The following GRIK4 variants were observed in gnomAD, a reference collection of about 807,000 sequenced individuals.
GRIK4 encodes the protein glutamate receptor ionotropic, kainate 4.
A neutral mutation model predicts 104.9 loss-of-function variants in GRIK4; 40 were observed. The observed-to-expected ratio is 0.38, with a 90% CI of 0.30 to 0.50. The LOEUF (loss-of-function observed/expected upper bound fraction) is 0.50. Ranked by LOEUF, GRIK4 falls within the 20% of genes least tolerant of loss-of-function variation. GRIK4 has a pLI of 0.93. For missense variants in GRIK4, 1,047 were observed against 1,308.1 expected, an observed-to-expected ratio of 0.80 and a Z score of 3.08; for synonymous variants, 485 against 524.9, an observed-to-expected ratio of 0.92 and a Z score of 1.04.
intron 3 of GRIK4, among the ~76,000 whole-genome samples, chr11:120,758,612 C>T (rs1361426646): frequency 6.6e-6 from 1 of 152,144 alleles, no homozygotes; most frequent in East Asian, 1.9e-4. Context: ...CTAAATGATT[C>T]TTGAAATTAT....
At chr11:120,539,384 G>A (rs1948009493) in intron 1 of GRIK4, among the ~76,000 whole-genome samples, 1 of 152,198 alleles carries the variant, frequency 6.6e-6, no homozygotes, top group Non-Finnish European at 1.5e-5. Context: ...CCTTATGTTC[G>A]TATCCACTTC....
rs541738205 is a variant in GRIK4 at position 120,871,997 on chromosome 11, A to G, written c.907-2069A>G. 3.2e-5 allele frequency: 14 copies of G among 442,934 alleles called. No homozygotes were observed. The East Asian group carries it at 8.4e-4, about 27-fold the overall frequency. The allele number at this position is 442,934 out of a possible 1,614,324, so 27.4% of individuals were successfully genotyped here. ...CAACATGTAGCAAAACTGGGTAGGA[A>G]ATAAGCCCATCCACCCTGCCTGTAG... On this transcript the variant is annotated intron_variant, in intron 9 of 20. Coordinates refer to ENST00000527524, the MANE Select transcript of GRIK4 (RefSeq NM_014619.5).
intron 1 of GRIK4, chr11:120,620,311 T>C (rs1017172143): frequency 4.3e-5 from 29 of 666,968 alleles, no homozygotes; most frequent in African/African-American, 7.2e-5. Flanking sequence ...TCAGGAACTT[T>C]AGTAGTTTCC....
intron 16 of GRIK4, among the ~76,000 whole-genome samples, chr11:120,959,704 C>T (rs524792): frequency 0.96 from 146,629 of 152,370 alleles, 70,566 homozygotes; most frequent in East Asian, 1. Flanking sequence ...ATTCTAATTT[C>T]AAATGAGTTC....
intron 1 of GRIK4, among the ~76,000 whole-genome samples, chr11:120,527,936 G>T (rs1011160711): frequency 6.6e-6 from 1 of 152,142 alleles, no homozygotes; most frequent in Non-Finnish European, 1.5e-5. Context: ...GGACACATGC[G>T]TTGTGAATAG....
chr11:120,898,185 C>T (rs1942637017), intron 11 of GRIK4, among the ~76,000 whole-genome samples: 1 of 152,224 alleles, frequency 6.6e-6, no homozygotes, highest in Non-Finnish European at 1.5e-5. Flanking sequence ...CAAAAGAACT[C>T]CGCAGCCCAT....
chr11:120,726,147 C>T (rs759221850), intron 3 of GRIK4, among the ~76,000 whole-genome samples: 4 of 151,952 alleles, frequency 2.6e-5, no homozygotes, highest in Non-Finnish European at 4.4e-5. Context: ...GTTTTGGGGA[C>T]AAAAGGATGA....
chr11:120,776,143 C>A (rs1178173767), intron 3 of GRIK4, among the ~76,000 whole-genome samples: 1 of 152,232 alleles, frequency 6.6e-6, no homozygotes, highest in Non-Finnish European at 1.5e-5. Flanking sequence ...GAAACATCTG[C>A]TCTCTGTTAT....
intron 13 of GRIK4, among the ~76,000 whole-genome samples, chr11:120,928,278 C>T (rs1363030869): frequency 6.6e-6 from 1 of 151,094 alleles, no homozygotes; most frequent in Admixed American, 6.6e-5. Flanking sequence ...TTTAGCTTTC[C>T]CAAAGACCCC....
intron 11 of GRIK4, among the ~76,000 whole-genome samples, chr11:120,881,093 C>T (rs147535566): frequency 2.6e-5 from 4 of 152,154 alleles, no homozygotes; most frequent in Non-Finnish European, 5.9e-5. Context: ...CTTTTCAGTT[C>T]GTCTAGGTTG....
At chr11:120,928,301 G>A (rs912646391) in intron 13 of GRIK4, among the ~76,000 whole-genome samples, 1 of 151,512 alleles carries the variant, frequency 6.6e-6, no homozygotes, top group Non-Finnish European at 1.5e-5. Flanking sequence ...TGGCTGCAAC[G>A]GGAAGAGGGG....
rs188269309 is a variant in GRIK4 at position 120,737,726 on chromosome 11, T to G, written c.83-64967T>G. On this transcript the variant is annotated intron_variant, in intron 3 of 20. Transcript: ENST00000527524. ...AAAAAAACCACAAGGAAGTGATTACTCTAAAAGTCAGGGAAGTTGTTACTT... is the reference window on the plus strand; with the variant it reads ...AAAAAAACCACAAGGAAGTGATTACGCTAAAAGTCAGGGAAGTTGTTACTT... Among the ~76,000 whole-genome samples, 650 of 152,204 alleles carry G rather than the reference T, an allele frequency of 4.3e-3. 5 individuals are homozygous for G. The highest frequency in any genetic ancestry group is 0.015 in the African/African-American group (605 of 41,522).
intron 1 of GRIK4, among the ~76,000 whole-genome samples, chr11:120,588,459 G>A (rs868264271): frequency 1.3e-5 from 2 of 152,240 alleles, no homozygotes; most frequent in Non-Finnish European, 2.9e-5. Context: ...CCGCAGGCAC[G>A]ACACAGGGTC....
intron 11 of GRIK4, among the ~76,000 whole-genome samples, chr11:120,878,888 G>A (rs998638863): frequency 4.6e-5 from 7 of 152,144 alleles, no homozygotes; most frequent in Admixed American, 3.3e-4. Context: ...ATATCTCTGC[G>A]CAAATATTCT....
rs1565361438 is a variant in GRIK4, at chr11:120,802,675, G to GTGGT, written c.83-15_83-12dup. ...GCGGTGGAGTACCAATTGTCTCCAT[G>GTGGT]TGGTTGCCTGCCCACAGCTGCTATC... On this transcript the variant is annotated splice_polypyrimidine_tract_variant and intron_variant, in intron 3 of 20. Coordinates refer to ENST00000527524, the MANE Select transcript of GRIK4 (RefSeq NM_014619.5). 1 of 1,610,002 alleles carries GTGGT rather than the reference G, an allele frequency of 6.2e-7. No homozygotes were observed. Among genetic ancestry groups the GTGGT allele is most frequent in the African/African-American group, 1.3e-5 (1 of 74,828 alleles).
intron 1 of GRIK4, among the ~76,000 whole-genome samples, chr11:120,595,150 C>T (rs1273813113): frequency 6.6e-6 from 1 of 152,216 alleles, no homozygotes; most frequent in Non-Finnish European, 1.5e-5. Context: ...CAGTATCTTT[C>T]CTCCCGCTCG....
chr11:120,727,919 A>G (rs1951060618), intron 3 of GRIK4, among the ~76,000 whole-genome samples: 1 of 152,162 alleles, frequency 6.6e-6, no homozygotes, highest in South Asian at 2.1e-4. Context: ...TTGAGAGAAA[A>G]ATGACAAATA....
At chr11:120,599,064 A>G (rs1435728237) in intron 1 of GRIK4, among the ~76,000 whole-genome samples, 1 of 152,224 alleles carries the variant, frequency 6.6e-6, no homozygotes, top group Non-Finnish European at 1.5e-5. Context: ...AGGCCATTTC[A>G]CAGCTCCTGG....
intron 1 of GRIK4, among the ~76,000 whole-genome samples, chr11:120,606,335 T>A (rs1948962392): frequency 6.6e-6 from 1 of 152,154 alleles, no homozygotes; most frequent in Non-Finnish European, 1.5e-5. Context: ...ACGGCCCAGT[T>A]GGCATGGACC....
Sources: allele counts gnomAD v4.1 joint callset (sites outside exome capture counted in the v4.1 genomes callset), GRCh38; gene constraint gnomAD v4.1.1; transcripts MANE v1.5; gene names NCBI Gene and HGNC (gene_info 2026-07-23, HGNC 2026-07-21).